ST6GAL1: variants seen among roughly 807,000 people sequenced by gnomAD.
The protein encoded by ST6GAL1 is beta-galactoside alpha-2,6-sialyltransferase 1.
A neutral mutation model predicts 38.0 loss-of-function variants in ST6GAL1; 20 were observed. The observed-to-expected ratio is 0.53, with a 90% confidence interval of 0.37 to 0.77. The LOEUF is 0.77. Ranked by LOEUF, ST6GAL1 falls within the 30% of genes least tolerant of loss-of-function variation. The pLI is 0.00. For missense variants in ST6GAL1, 432 were observed against 496.4 expected, an observed-to-expected ratio of 0.87 and a Z score of 1.23; for synonymous variants, 196 against 188.2, an observed-to-expected ratio of 1.04 and a Z score of -0.34.
In ST6GAL1 at chr3:187,075,317, T is replaced by G. The variant is rs534947774; in HGVS notation, c.980-245T>G. ...ACTAGCATTTAGGGAGGATCTATTA[T>G]TCACCAGGCCCTGGCCTAGGTGCTG... On this transcript the variant is annotated intron_variant, in intron 7 of 7. Transcript: ENST00000169298. This position sits in a 1 kb window ranked among gnomAD's most constrained non-coding sequence, Gnocchi z 4.1. Among the ~76,000 whole-genome samples, 1 of 152,336 alleles carries G rather than the reference T, an allele frequency of 6.6e-6. No individual in the cohort carries two copies. The highest frequency in any genetic ancestry group is 2.4e-5 in the African/African-American group (1 of 41,574).
chr3:186,935,179 C>T (rs1458701711), intron 1 of ST6GAL1, among the ~76,000 whole-genome samples: 1 of 151,972 alleles, frequency 6.6e-6, no homozygotes, highest in Non-Finnish European at 1.5e-5. Context: ...TTCAAGAAGG[C>T]CCTGGTGTCT....
chr3:187,052,760 G>A (rs1718560889), intron 5 of ST6GAL1, among the ~76,000 whole-genome samples: 1 of 152,150 alleles, frequency 6.6e-6, no homozygotes, highest in African/African-American at 2.4e-5. Flanking sequence ...ATAAGCATAC[G>A]TGTGCATGTG....
chr3:186,968,430 T>C (rs1373701459), intron 2 of ST6GAL1, among the ~76,000 whole-genome samples: 2 of 152,184 alleles, frequency 1.3e-5, no homozygotes, highest in South Asian at 2.1e-4. Flanking sequence ...TTTTGACATA[T>C]GTATACGGTC....
intron 1 of ST6GAL1, among the ~76,000 whole-genome samples, chr3:186,941,094 C>G (rs186444027): frequency 6.6e-6 from 1 of 152,120 alleles, no homozygotes; most frequent in Non-Finnish European, 1.5e-5. Flanking sequence ...TTGGAGATAG[C>G]CTGCCTGGTT....
chr3:186,947,228 A>C (rs779782661), intron 1 of ST6GAL1, among the ~76,000 whole-genome samples: 1 of 152,202 alleles, frequency 6.6e-6, no homozygotes, highest in Non-Finnish European at 1.5e-5. Flanking sequence ...AGGTACAATT[A>C]TCTCTACTGT....
intron 5 of ST6GAL1, among the ~76,000 whole-genome samples, chr3:187,054,961 G>A (rs1233263282): frequency 3.3e-5 from 5 of 152,148 alleles, no homozygotes; most frequent in African/African-American, 7.2e-5. Flanking sequence ...ATTAGTTATT[G>A]CCTCAATTTC....
chr3:187,065,492 T>C (rs1341388305), intron 5 of ST6GAL1, among the ~76,000 whole-genome samples: 1 of 152,236 alleles, frequency 6.6e-6, no homozygotes, highest in Non-Finnish European at 1.5e-5. Flanking sequence ...GTGCCAGGTG[T>C]GGCTATGAGA....
chr3:187,060,947 C>T (rs893449788), intron 5 of ST6GAL1, among the ~76,000 whole-genome samples: 1 of 152,132 alleles, frequency 6.6e-6, no homozygotes, highest in Non-Finnish European at 1.5e-5. Context: ...TACTTTGTCC[C>T]TTCCTCATCA....
intron 2 of ST6GAL1, among the ~76,000 whole-genome samples, chr3:187,003,169 A>C (rs1057452879): frequency 4.0e-5 from 6 of 151,700 alleles, no homozygotes; most frequent in African/African-American, 1.5e-4. Context: ...AAAAAACCCC[A>C]AAACCAAACC....
chr3:186,937,545 A>G (rs970327872), intron 1 of ST6GAL1, among the ~76,000 whole-genome samples: 1 of 152,130 alleles, frequency 6.6e-6, no homozygotes, highest in East Asian at 1.9e-4. Context: ...TTTATTCACC[A>G]CATATTTGAG....
intron 1 of ST6GAL1, among the ~76,000 whole-genome samples, chr3:186,936,097 AC>A (rs1366469017): frequency 6.6e-6 from 1 of 152,144 alleles, no homozygotes; most frequent in African/African-American, 2.4e-5. Flanking sequence ...TGCTTAAAAC[AC>A]TTTTGGCTCT....
At chr3:186,957,299 C>G (rs1447043172) in intron 1 of ST6GAL1, among the ~76,000 whole-genome samples, 7 of 152,100 alleles carry the variant, frequency 4.6e-5, no homozygotes, top group Non-Finnish European at 1.0e-4. Context: ...AAAAATTAGC[C>G]AGACATGGTG....
At chr3:186,951,245 T>G (rs1290032079) in intron 1 of ST6GAL1, among the ~76,000 whole-genome samples, 1 of 152,140 alleles carries the variant, frequency 6.6e-6, no homozygotes, top group Non-Finnish European at 1.5e-5. Flanking sequence ...TTAGTAGAGA[T>G]AGGGTTTCAC....
intron 2 of ST6GAL1, among the ~76,000 whole-genome samples, chr3:187,029,132 A>T (rs1717652335): frequency 6.6e-6 from 1 of 150,962 alleles, no homozygotes; most frequent in Admixed American, 6.6e-5. Flanking sequence ...GTCACGTCAC[A>T]TCAGAAGGCA....
chr3:187,050,127 A>C (rs1718457920), intron 4 of ST6GAL1, among the ~76,000 whole-genome samples: 1 of 152,168 alleles, frequency 6.6e-6, no homozygotes, highest in South Asian at 2.1e-4. Context: ...AATTCTGTGG[A>C]TATCCTCTTT....
In ST6GAL1 at chr3:187,040,041, T is replaced by C. The variant is rs185231547; in HGVS notation, c.-51+1168T>C. ...GCTGCTGCCTGAGCCTCCACTCCTG[T>C]GACAGTGAATCAGGCCCTTCCTGCC... On this transcript the variant is annotated intron_variant, in intron 3 of 7. Coordinates refer to ENST00000169298, the MANE Select transcript of ST6GAL1 (RefSeq NM_173216.2). Among the ~76,000 whole-genome samples, 651 of 152,354 alleles carry C rather than the reference T, an allele frequency of 4.3e-3. 1 individual carries two copies. The highest frequency in any genetic ancestry group is 7.3e-3 in the Non-Finnish European group (494 of 68,024).
intron 4 of ST6GAL1, 102 bp from the exon 5 acceptor site, chr3:187,051,147 G>A: frequency 1.0e-6 from 1 of 986,616 alleles, no homozygotes; most frequent in South Asian, 1.4e-5. Context: ...GTAAAGATGG[G>A]GAAGCATTAT....
intron 2 of ST6GAL1, among the ~76,000 whole-genome samples, chr3:186,995,090 T>A (rs1716319020): frequency 6.6e-6 from 1 of 152,194 alleles, no homozygotes; most frequent in Admixed American, 6.5e-5. Flanking sequence ...TATGTGTGTA[T>A]GTGTATATAT....
rs945253064 is a variant in ST6GAL1 at position 186,987,186 on chromosome 3, G to GGGAA, written c.-183+23263_-183+23264insAGGA. On this transcript the variant is annotated intron_variant, in intron 2 of 7. Coordinates refer to ENST00000169298, the MANE Select transcript of ST6GAL1 (RefSeq NM_173216.2). Reference sequence around the variant, plus strand: ...GAAGAAAGAGAAAGAGAGACAGGGAGGGAGGGAGGGAGGGAAGGAAAGAAA... The same window carrying GGGAA: ...GAAGAAAGAGAAAGAGAGACAGGGAGGGAAGGAGGGAGGGAGGGAAGGAAAGAAA... 1.5e-4 allele frequency among the ~76,000 whole-genome samples: 18 copies of GGGAA among 122,250 alleles called. 1 individual carries two copies. The highest frequency in any genetic ancestry group is 2.8e-4 in the African/African-American group (8 of 28,980). The allele number at this position is 122,250 out of a possible 152,430, so 80.2% of individuals were successfully genotyped here.
Sources: allele counts gnomAD v4.1 joint callset (sites outside exome capture counted in the v4.1 genomes callset), GRCh38; gene constraint gnomAD v4.1.1; non-coding constraint Gnocchi (gnomAD v3.1); transcripts MANE v1.5; gene names NCBI Gene and HGNC (gene_info 2026-07-23, HGNC 2026-07-21).